Variants in CABIN1 observed in about 807,000 individuals in gnomAD.
The protein encoded by CABIN1 is calcineurin-binding protein cabin-1.
Under a neutral mutation model 227.7 loss-of-function variants are expected in CABIN1, and 133 were observed. The observed-to-expected ratio is 0.58, with a 90% CI of 0.51 to 0.67. The LOEUF (loss-of-function observed/expected upper bound fraction) is 0.67. CABIN1 is among the 30% of genes least tolerant of loss of function. The pLI is 0.00. For missense variants in CABIN1, 2,408 were observed against 2,852.5 expected, an observed-to-expected ratio of 0.84 and a Z score of 3.55; for synonymous variants, 1,086 against 1,155.1, an observed-to-expected ratio of 0.94 and a Z score of 1.21.
intron 34 of CABIN1, among the ~76,000 whole-genome samples, chr22:24,172,822 G>A (rs2046895741): frequency 6.6e-6 from 1 of 152,192 alleles, no homozygotes; most frequent in African/African-American, 2.4e-5. Context: ...CTGCAATTCT[G>A]CCAGACTGGG....
chr22:24,165,954 C>A (rs1039221304), intron 31 of CABIN1, among the ~76,000 whole-genome samples: 3 of 152,232 alleles, frequency 2.0e-5, no homozygotes, highest in Admixed American at 2.0e-4. Context: ...CCTATGAGAA[C>A]ACCATGTGTG....
intron 8 of CABIN1, 125 bp from the exon 9 acceptor site, chr22:24,054,748 C>T (rs2038647585): frequency 8.5e-7 from 1 of 1,176,180 alleles, no homozygotes; most frequent in African/African-American, 1.5e-5. Flanking sequence ...ACCTCCCCCA[C>T]CCCCATGGAC....
At chr22:24,055,203 A>G (rs1220282116) in intron 9 of CABIN1, 44 bp downstream of exon 9, 1 of 1,598,160 alleles carries the variant, frequency 6.3e-7, no homozygotes, top group Non-Finnish European at 8.5e-7. Flanking sequence ...GACCCCGTTC[A>G]CTGAGCCCAG....
chr22:24,104,041 G>A (rs1225010572), intron 26 of CABIN1, among the ~76,000 whole-genome samples: 2 of 152,160 alleles, frequency 1.3e-5, no homozygotes, highest in Admixed American at 1.3e-4. Context: ...TGGATACTGA[G>A]GTGACTGGGG....
rs753233686 is a variant in CABIN1, at chr22:24,113,552, CCTT to C, written c.4118-11_4118-9del. ...GTTAATGCTCTCGCCCTCTCTTCCT[CCTT>C]CTCCCCTCAGACCGAAGCCAGGACA... On this transcript the variant is annotated splice_polypyrimidine_tract_variant and intron_variant, in intron 26 of 36. Coordinates refer to ENST00000263119, the MANE Select transcript of CABIN1 (RefSeq NM_012295.4). The C allele has an allele frequency of 2.5e-6, 4 of 1,613,616 alleles. No individual in the cohort carries two copies. Among genetic ancestry groups the C allele is most frequent in the East Asian group, 4.5e-5 (2 of 44,878 alleles).
chr22:24,064,986 C>T (rs1218387919), intron 15 of CABIN1, among the ~76,000 whole-genome samples: 9 of 152,372 alleles, frequency 5.9e-5, no homozygotes, highest in African/African-American at 1.2e-4. Context: ...TTCTATTCCA[C>T]GAAACTGCCA....
At chr22:24,100,484 C>T (rs1033938481) in intron 26 of CABIN1, among the ~76,000 whole-genome samples, 2 of 152,250 alleles carry the variant, frequency 1.3e-5, no homozygotes, top group African/African-American at 2.4e-5. Context: ...GCCACACTGC[C>T]CACCTCTGTT....
In CABIN1 at chr22:24,091,764, A is replaced by G. The variant is rs750340319; in HGVS notation, c.3707A>G (p.Tyr1236Cys). The G allele has an allele frequency of 6.2e-7, 1 of 1,613,912 alleles. No homozygotes were observed. The highest frequency in any genetic ancestry group is 2.2e-5 in the East Asian group (1 of 44,864). Residue 1236 changes from tyrosine to cysteine, a missense_variant, in exon 24 of 37, where the codon TAC (tyrosine) becomes TGC (cysteine). Tyr to Cys is a radical substitution (Grantham distance 194). This residue lies in a region of CABIN1 where 649 missense variants were observed against 910.3 expected (regional missense o/e 0.71). Coordinates refer to ENST00000263119, the MANE Select transcript of CABIN1 (RefSeq NM_012295.4). ...YLLHYRQAGH[Y>C]LHEEAARYPK... Reference sequence around the variant, plus strand: ...CTGCACTACAGGCAGGCTGGCCACTACCTGCACGAGGAGGCTGCCCGCTAC... The same window carrying G: ...CTGCACTACAGGCAGGCTGGCCACTGCCTGCACGAGGAGGCTGCCCGCTAC...
chr22:24,166,969 C>T lies in CABIN1; in HGVS notation c.5338C>T (p.Leu1780=), dbSNP rs773819594. 31 of 1,587,104 alleles carry T rather than the reference C, an allele frequency of 2.0e-5. No individual in the cohort carries two copies. The South Asian group carries it at 3.2e-4, about 16-fold the overall frequency. ...HSDLERTPPL[L]PGRPARDRGP... Reference sequence around the variant, plus strand: ...AGACTTGGAGCGGACACCACCCCTGCTGCCAGGTCGCCCCGCAAGGGACCG... The same window carrying T: ...AGACTTGGAGCGGACACCACCCCTGTTGCCAGGTCGCCCCGCAAGGGACCG... The change falls in exon 32 of 37, where the codon CTG becomes TTG. Residue 1780 remains leucine (L), a synonymous_variant. Transcript: ENST00000263119.
chr22:24,156,096 G>GGGGGCC, intron 29 of CABIN1: 1 of 414,570 alleles, frequency 2.4e-6, no homozygotes, highest in Non-Finnish European at 4.3e-6. Flanking sequence ...TGGCGGGGGC[G>GGGGGCC]GGGGCCGGGA....
chr22:24,079,283 T>TA (rs71320749), intron 19 of CABIN1, among the ~76,000 whole-genome samples: 4,376 of 152,280 alleles, frequency 0.029, 70 homozygotes, highest in Middle Eastern at 0.037. Flanking sequence ...TTTGTTATTA[T>TA]TTTTTAAAAC....
chr22:24,166,227 T>A (rs1249712669), intron 31 of CABIN1, among the ~76,000 whole-genome samples: 1 of 152,204 alleles, frequency 6.6e-6, no homozygotes, highest in African/African-American at 2.4e-5. Context: ...GACTTGGCTC[T>A]GCAGCAAACA....
chr22:24,174,004 T>A (rs540276233), intron 34 of CABIN1, among the ~76,000 whole-genome samples: 269 of 150,634 alleles, frequency 1.8e-3, no homozygotes, highest in Admixed American at 5.5e-3. Flanking sequence ...TTTTTTTTTT[T>A]AATTTTTATT....
At chr22:24,075,154 G>C (rs964547265) in intron 18 of CABIN1, among the ~76,000 whole-genome samples, 22 of 152,060 alleles carry the variant, frequency 1.4e-4, no homozygotes, top group Non-Finnish European at 4.4e-5. Context: ...ATTGAGCTAT[G>C]ACCATGCCAT....
At chr22:24,091,496 A>G in intron 23 of CABIN1, 87 bp from the exon 24 acceptor site, 3 of 1,542,762 alleles carry the variant, frequency 1.9e-6, no homozygotes, top group Non-Finnish European at 2.7e-6. Flanking sequence ...ACTTGCAAAT[A>G]GGTCGGCAGA....
intron 4 of CABIN1, among the ~76,000 whole-genome samples, chr22:24,040,723 A>G (rs1254552377): frequency 6.6e-6 from 1 of 152,194 alleles, no homozygotes; most frequent in African/African-American, 2.4e-5. Context: ...CTTGATTCCT[A>G]ATCCTGGAGT....
At chr22:24,051,672 C>G (rs900638173) in intron 8 of CABIN1, among the ~76,000 whole-genome samples, 15 of 152,194 alleles carry the variant, frequency 9.9e-5, no homozygotes, top group South Asian at 2.1e-4. Flanking sequence ...GAGCTCTGGC[C>G]TGGATCAGAC....
At chr22:24,097,148 A>G (rs1217696828) in intron 25 of CABIN1, among the ~76,000 whole-genome samples, 3 of 152,176 alleles carry the variant, frequency 2.0e-5, no homozygotes, top group Non-Finnish European at 2.9e-5. Context: ...CCAACATACA[A>G]TGATACTTTC....
intron 10 of CABIN1, 158 bp downstream of exon 10, chr22:24,056,518 A>C (rs2038811117): frequency 1.3e-6 from 1 of 742,156 alleles, no homozygotes; most frequent in Admixed American, 2.6e-5. Context: ...ATCTCACTGG[A>C]GTAGGATCTT....
Sources: gnomAD v4.1 joint callset for allele counts (sites outside exome capture counted in the v4.1 genomes callset) on GRCh38, gnomAD v4.1.1 for gene constraint, gnomAD v4.1.1 regional missense constraint, MANE v1.5 for transcripts, NCBI Gene and HGNC (gene_info 2026-07-23, HGNC 2026-07-21) for gene names.